Variants in ANKRD12 observed in about 807,000 individuals in gnomAD.
ANKRD12 encodes ankyrin repeat domain 12.
ANKRD12 carries 85 observed loss-of-function variants against 183.4 expected under a neutral mutation model. That is an observed-to-expected ratio of 0.46 (90% CI 0.39 to 0.56). The LOEUF is 0.56. Ranked by LOEUF, ANKRD12 falls within the 20% of genes least tolerant of loss-of-function variation. The pLI, the probability that ANKRD12 is intolerant of heterozygous loss-of-function variation, is 0.00. For synonymous variants in ANKRD12, 914 were observed against 800.2 expected (o/e 1.14, Z -2.40); for missense variants, 2,405 against 2,357.1 (o/e 1.02, Z -0.42).
intron 8 of ANKRD12, among the ~76,000 whole-genome samples, chr18:9,236,946 A>G (rs35278161): frequency 2.0e-5 from 3 of 152,204 alleles, no homozygotes; most frequent in East Asian, 1.9e-4. Context: ...AGAGAAAAGA[A>G]CTGCAACATA....
chr18:9,139,354 C>T (rs998631442), intron 1 of ANKRD12, among the ~76,000 whole-genome samples: 2 of 152,060 alleles, frequency 1.3e-5, no homozygotes, highest in African/African-American at 4.8e-5. Flanking sequence ...AGTTGAAAAC[C>T]ATGACTGATA....
chr18:9,254,396 G>A lies in ANKRD12; in HGVS notation c.1129G>A (p.Asp377Asn). 1 of 1,605,180 alleles carries A rather than the reference G, an allele frequency of 6.2e-7. No individual in the cohort carries two copies. The highest frequency in any genetic ancestry group is 8.5e-7 in the Non-Finnish European group (1 of 1,177,274). ...TGAAGAAATTAATAAGATGATTGAT[G>A]ATAGGCATATTCTTAGGAAAGAACA... ...DDEEINKMID[D>N]RHILRKEQRK... The change falls in exon 9 of 13, where the codon GAT becomes AAT. Residue 377 changes from aspartate (D) to asparagine (N), a missense_variant. Coordinates refer to ENST00000262126, the MANE Select transcript of ANKRD12 (RefSeq NM_015208.5).
intron 1 of ANKRD12, among the ~76,000 whole-genome samples, chr18:9,158,389 C>T (rs187106612): frequency 6.6e-6 from 1 of 152,268 alleles, no homozygotes; most frequent in African/African-American, 2.4e-5. Flanking sequence ...ATCATGTCTC[C>T]TTAGCCTTCT....
intron 8 of ANKRD12, among the ~76,000 whole-genome samples, chr18:9,251,586 G>A (rs2038300904): frequency 6.6e-6 from 1 of 152,138 alleles, no homozygotes; most frequent in Non-Finnish European, 1.5e-5. Context: ...CTGAGGTCGG[G>A]AGTTCGAGAC....
chr18:9,172,358 A>T (rs1027509625), intron 1 of ANKRD12, among the ~76,000 whole-genome samples: 8 of 152,128 alleles, frequency 5.3e-5, no homozygotes, highest in Non-Finnish European at 1.2e-4. Context: ...CAGGCACCCC[A>T]ATCAGTCATA....
intron 4 of ANKRD12, among the ~76,000 whole-genome samples, chr18:9,208,155 A>G (rs755876704): frequency 3.9e-5 from 6 of 152,310 alleles, no homozygotes; most frequent in Non-Finnish European, 8.8e-5. Context: ...ATGATTTGGT[A>G]CTTTTTTTCG....
intron 1 of ANKRD12, among the ~76,000 whole-genome samples, chr18:9,143,232 A>G (rs1055582649): frequency 6.6e-6 from 1 of 152,216 alleles, no homozygotes; most frequent in Non-Finnish European, 1.5e-5. Context: ...AGTTGTTGCC[A>G]GAATATCTCT....
intron 1 of ANKRD12, among the ~76,000 whole-genome samples, chr18:9,153,407 C>G (rs1457373216): frequency 1.3e-5 from 2 of 152,170 alleles, no homozygotes; most frequent in African/African-American, 4.8e-5. Flanking sequence ...TTCTTTTCCT[C>G]TCTAGAACAT....
intron 1 of ANKRD12, among the ~76,000 whole-genome samples, chr18:9,152,948 A>T (rs2078731002): frequency 6.6e-6 from 1 of 151,852 alleles, no homozygotes; most frequent in African/African-American, 2.4e-5. Flanking sequence ...TTATTAGATT[A>T]TAAACTCACT....
intron 3 of ANKRD12, among the ~76,000 whole-genome samples, chr18:9,196,118 C>T (rs1200781642): frequency 3.1e-5 from 1 of 32,096 alleles, no homozygotes; most frequent in African/African-American, 1.0e-4. Context: ...AACACACACA[C>T]ACACACACAC....
At chr18:9,194,899 A>G (rs549676337) in intron 2 of ANKRD12, among the ~76,000 whole-genome samples, 25 of 152,338 alleles carry the variant, frequency 1.6e-4, no homozygotes, top group African/African-American at 5.8e-4. Flanking sequence ...TCATTGCAGC[A>G]CTACTCACAG....
intron 9 of ANKRD12, chr18:9,259,478 C>A (rs547284613): frequency 6.6e-6 from 1 of 151,980 alleles, no homozygotes; most frequent in South Asian, 2.1e-4. Flanking sequence ...TATATAAACA[C>A]ATAAATGTGT....
intron 1 of ANKRD12, among the ~76,000 whole-genome samples, chr18:9,174,559 G>C (rs998004821): frequency 6.6e-6 from 1 of 152,214 alleles, no homozygotes; most frequent in Non-Finnish European, 1.5e-5. Flanking sequence ...GTGGTTTCCT[G>C]AGTGGGGTTA....
intron 8 of ANKRD12, among the ~76,000 whole-genome samples, chr18:9,252,733 G>C (rs1204899625): frequency 6.6e-6 from 1 of 152,146 alleles, no homozygotes; most frequent in Non-Finnish European, 1.5e-5. Context: ...GGGAGGCCAA[G>C]GTGAGTGGAT....
chr18:9,243,949 A>G (rs533801625), intron 8 of ANKRD12, among the ~76,000 whole-genome samples: 16 of 152,306 alleles, frequency 1.1e-4, no homozygotes, highest in Non-Finnish European at 1.5e-4. Context: ...CAGCCTGACA[A>G]ACATGGTGAA....
At chr18:9,187,741 G>C (rs138679799) in intron 2 of ANKRD12, among the ~76,000 whole-genome samples, 1 of 152,216 alleles carries the variant, frequency 6.6e-6, no homozygotes, top group East Asian at 1.9e-4. Context: ...CTATAAATCA[G>C]TATTTAAAAT....
chr18:9,269,643 G>A (rs2145391812), intron 10 of ANKRD12, among the ~76,000 whole-genome samples: 1 of 152,296 alleles, frequency 6.6e-6, no homozygotes. Flanking sequence ...AGACTTAAAT[G>A]TTAGACCTAA....
At position 9,258,284 on chromosome 18, in the gene ANKRD12, C is replaced by T. The variant is rs1290067115; in HGVS notation, c.5017C>T (p.Pro1673Ser). 3.7e-6 allele frequency: 6 copies of T among 1,613,658 alleles called. No individual in the cohort carries two copies. The highest frequency in any genetic ancestry group is 3.4e-6 in the Non-Finnish European group (4 of 1,179,902). The change falls in exon 9 of 13, where the codon CCT (proline) becomes TCT (serine). Residue 1673 changes from proline (P) to serine (S), a missense_variant. Around this residue, in one of 7 missense-constraint regions of ANKRD12, gnomAD observed 1,983 missense variants for 1,725.9 expected, o/e 1.15. Transcript: ENST00000262126. ...AAATGAACAAGATCCAAAACATTGT[C>T]CTGAAAGTGAAAAGTGTTTGCTTTC... Reference protein sequence around the residue: ...NLNEQDPKHCPESEKCLLSIE... With the variant: ...NLNEQDPKHCSESEKCLLSIE...
intron 1 of ANKRD12, among the ~76,000 whole-genome samples, chr18:9,159,698 C>G (rs2031130331): frequency 6.6e-6 from 1 of 152,062 alleles, no homozygotes; most frequent in Non-Finnish European, 1.5e-5. Flanking sequence ...CTCGGCCTCC[C>G]AAAGTGCTGG....
Sources: gnomAD v4.1 joint callset for allele counts (sites outside exome capture counted in the v4.1 genomes callset) on GRCh38, gnomAD v4.1.1 for gene constraint, gnomAD v4.1.1 regional missense constraint, MANE v1.5 for transcripts, NCBI Gene and HGNC (gene_info 2026-07-23, HGNC 2026-07-21) for gene names.